LRP1B: variants seen among roughly 807,000 people sequenced by gnomAD.
LRP1B encodes LDL receptor related protein 1B.
Under a neutral mutation model 556.6 loss-of-function variants are expected in LRP1B, and 217 were observed. The ratio of observed to expected loss-of-function variants is 0.39; its 90% CI spans 0.35 to 0.44. The LOEUF is 0.44. LRP1B is among the 20% of genes least tolerant of loss of function. LRP1B has a pLI of 1.00. For synonymous variants in LRP1B, 2,047 were observed against 1,865.8 expected, an observed-to-expected ratio of 1.10 and a Z score of -2.50; for missense variants, 5,053 against 5,620.8, an observed-to-expected ratio of 0.90 and a Z score of 3.23.
intron 11 of LRP1B, among the ~76,000 whole-genome samples, chr2:141,029,114 T>C (rs1430812982): frequency 1.3e-5 from 2 of 152,048 alleles, no homozygotes; most frequent in Non-Finnish European, 2.9e-5. Flanking sequence ...AAGCCCTGAG[T>C]TGGGACCATG....
At chr2:141,277,112 G>A (rs1053899133) in intron 3 of LRP1B, among the ~76,000 whole-genome samples, 1 of 152,144 alleles carries the variant, frequency 6.6e-6, no homozygotes, top group African/African-American at 2.4e-5. Context: ...AAGTGCATAC[G>A]TCTTTATGGT....
intron 3 of LRP1B, among the ~76,000 whole-genome samples, chr2:141,336,064 CAGA>C (rs1419111372): frequency 1.7e-5 from 2 of 120,136 alleles, no homozygotes; most frequent in Non-Finnish European, 3.3e-5. Context: ...ATGAAAGCCT[CAGA>C]AGACCTTTAA....
chr2:140,559,071 C>A (rs1472923410), intron 43 of LRP1B, among the ~76,000 whole-genome samples: 1 of 151,866 alleles, frequency 6.6e-6, no homozygotes, highest in East Asian at 1.9e-4. Context: ...AGATAATAGT[C>A]TTGCAAAAAT....
chr2:141,973,060 T>C (rs1209064182), intron 1 of LRP1B, among the ~76,000 whole-genome samples: 2 of 151,644 alleles, frequency 1.3e-5, no homozygotes, highest in East Asian at 3.9e-4. Context: ...ACTGTATTAT[T>C]ATGTAGTGTT....
chr2:140,822,805 T>C (rs1200382686), intron 31 of LRP1B, among the ~76,000 whole-genome samples: 1 of 152,186 alleles, frequency 6.6e-6, no homozygotes, highest in African/African-American at 2.4e-5. Context: ...CACAGCATAA[T>C]GGTTAAGATT....
intron 7 of LRP1B, among the ~76,000 whole-genome samples, chr2:141,133,056 A>G (rs1349008407): frequency 6.6e-6 from 1 of 152,048 alleles, no homozygotes; most frequent in Non-Finnish European, 1.5e-5. Flanking sequence ...GACTTAAGTT[A>G]CTTGTTTTTG....
intron 66 of LRP1B, among the ~76,000 whole-genome samples, chr2:140,387,253 A>G (rs1000101437): frequency 1.3e-5 from 2 of 152,140 alleles, no homozygotes; most frequent in African/African-American, 4.8e-5. Flanking sequence ...TTTACTTCGA[A>G]ATGCAACTTA....
At chr2:140,744,379 A>G (rs1333409059) in intron 35 of LRP1B, among the ~76,000 whole-genome samples, 1 of 152,184 alleles carries the variant, frequency 6.6e-6, no homozygotes, top group African/African-American at 2.4e-5. Context: ...TCTGAAGGAC[A>G]GTGTTTAAGA....
chr2:141,289,356 T>C (rs1573759541), intron 3 of LRP1B, among the ~76,000 whole-genome samples: 1 of 119,726 alleles, frequency 8.4e-6, no homozygotes, highest in Non-Finnish European at 1.6e-5. Flanking sequence ...CACTCCAGCC[T>C]GGGTGACAGA....
intron 16 of LRP1B, among the ~76,000 whole-genome samples, chr2:140,991,047 A>G (rs1044460547): frequency 2.0e-5 from 3 of 152,106 alleles, no homozygotes; most frequent in Admixed American, 2.0e-4. Flanking sequence ...AAAAAAACAA[A>G]ACAAAACAAA....
At chr2:140,872,383 TTTTTTA>T in intron 25 of LRP1B, among the ~76,000 whole-genome samples, 1 of 147,294 alleles carries the variant, frequency 6.8e-6, no homozygotes, top group African/African-American at 2.5e-5. Flanking sequence ...TTTTTTTTTT[TTTTTTA>T]CTAAAGTAGC....
chr2:141,079,572 A>AAAGCC (rs1699873886), intron 7 of LRP1B, among the ~76,000 whole-genome samples: 1 of 152,222 alleles, frequency 6.6e-6, no homozygotes, highest in Non-Finnish European at 1.5e-5. Flanking sequence ...AATGCTCTGA[A>AAAGCC]AAGCCTTAAT....
chr2:140,307,945 G>A (rs1684135112), intron 83 of LRP1B, among the ~76,000 whole-genome samples: 1 of 151,670 alleles, frequency 6.6e-6, no homozygotes, highest in Non-Finnish European at 1.5e-5. Context: ...TATTTATAGA[G>A]CATTCACAAT....
intron 86 of LRP1B, among the ~76,000 whole-genome samples, chr2:140,248,096 T>C (rs1681246350): frequency 6.6e-6 from 1 of 151,656 alleles, no homozygotes; most frequent in Non-Finnish European, 1.5e-5. Flanking sequence ...ACTAAATAAC[T>C]GCAATTTCAG....
At chr2:141,475,491 C>T (rs1573990177) in intron 3 of LRP1B, among the ~76,000 whole-genome samples, 1 of 152,160 alleles carries the variant, frequency 6.6e-6, no homozygotes, top group African/African-American at 2.4e-5. Flanking sequence ...GGAGGGAAAT[C>T]CTGGGTAGAA....
chr2:141,050,221 A>G (rs1698995529), intron 10 of LRP1B, among the ~76,000 whole-genome samples: 1 of 151,918 alleles, frequency 6.6e-6, no homozygotes, highest in Admixed American at 6.6e-5. Context: ...AAAATAAGCA[A>G]TTATTTATAA....
Position 141,191,722 on chromosome 2 carries a change from T to C in LRP1B, c.851-3139A>G, listed in dbSNP as rs370312061. Among the ~76,000 whole-genome samples, 59 of 150,908 alleles carry C rather than the reference T, an allele frequency of 3.9e-4. 1 individual carries two copies. In the South Asian group the frequency reaches 0.012, roughly 30 times the overall value. On this transcript the variant is annotated intron_variant, in intron 6 of 90. Transcript: ENST00000389484. ...AGTCCATTAACCAGGGCTTTAAAAG[T>C]GTGAATTATTTATCTGTCTTGAGAA...
intron 2 of LRP1B, among the ~76,000 whole-genome samples, chr2:141,713,335 C>T (rs1466415422): frequency 6.6e-6 from 1 of 152,116 alleles, no homozygotes; most frequent in Non-Finnish European, 1.5e-5. Context: ...CCACATCGTC[C>T]TTAAGTTTAT....
intron 1 of LRP1B, among the ~76,000 whole-genome samples, chr2:141,895,369 T>C (rs971284985): frequency 1.3e-4 from 20 of 152,288 alleles, no homozygotes; most frequent in African/African-American, 3.8e-4. Flanking sequence ...CCTGTTGCCA[T>C]TGAAGCTGTG....
Sources: allele counts gnomAD v4.1 joint callset (sites outside exome capture counted in the v4.1 genomes callset), GRCh38; gene constraint gnomAD v4.1.1; transcripts MANE v1.5; gene names NCBI Gene and HGNC (gene_info 2026-07-23, HGNC 2026-07-21).